The following FBXO41 variants were observed in gnomAD, a reference collection of about 807,000 sequenced individuals.
FBXO41 encodes F-box protein 41, also known as F-box only protein 41.
In FBXO41, 33 loss-of-function variants were observed where a neutral mutation model predicts 81.6. That is an observed-to-expected ratio of 0.40 (90% confidence interval 0.31 to 0.54). The LOEUF (loss-of-function observed/expected upper bound fraction) is 0.54, where lower values mean the gene tolerates loss of function less well. FBXO41 is among the 20% of genes least tolerant of loss of function. FBXO41 has a pLI of 0.39. For synonymous variants in FBXO41, 576 were observed against 552.7 expected, an observed-to-expected ratio of 1.04 and a Z score of -0.59; for missense variants, 1,107 against 1,236.0, an observed-to-expected ratio of 0.90 and a Z score of 1.56.
chr2:73,260,453 C>T lies in FBXO41; in HGVS notation c.2385G>A (p.Lys795=), dbSNP rs757171607. 46 of 1,608,372 alleles carry T rather than the reference C, an allele frequency of 2.9e-5. No homozygotes were observed. The East Asian group carries it at 1.0e-3, about 36-fold the overall frequency. The change falls in exon 11 of 13, where the codon AAG becomes AAA. Residue 795 remains lysine (K), a synonymous_variant. Coordinates refer to ENST00000520530, the MANE Select transcript of FBXO41 (RefSeq NM_001371389.2). This position sits in a 1 kb window ranked among gnomAD's most constrained non-coding sequence, Gnocchi z 5.0. The part of the protein sequence containing the change: ...VAAEVCREGL[K]GLEMLVLTAT... ...CCGTGAGCACCAGCATCTCCAGTCC[C>T]TTCAGGCCTTCCCGGCAGACCTCTG...
rs1688264741 is a variant in FBXO41, at chr2:73,266,105, G to A, written c.1132-139C>T. 1 of 793,184 alleles carries A rather than the reference G, an allele frequency of 1.3e-6. No homozygotes were observed. The allele number at this position is 793,184 out of a possible 1,614,324, so 49.1% of individuals were successfully genotyped here. On this transcript the variant is annotated intron_variant, in intron 3 of 12. Coordinates refer to ENST00000520530, the MANE Select transcript of FBXO41 (RefSeq NM_001371389.2). This position sits in a 1 kb window ranked among gnomAD's most constrained non-coding sequence, Gnocchi z 5.3. The stretch of plus-strand genomic sequence containing the variant: ...AGAAGGGAAAATAGTTGGGAAAGAT[G>A]GACAAATGGACAGACAGACAGCCCA...
rs1251704536 is a variant in FBXO41 at position 73,259,548 on chromosome 2, G to C, written c.2450-252C>G. Among the ~76,000 whole-genome samples the C allele has an allele frequency of 1.3e-5, 2 of 152,184 alleles. No individual in the cohort carries two copies. The highest frequency in any genetic ancestry group is 2.9e-5 in the Non-Finnish European group (2 of 68,040). ...GCCACCAGCTGTCCAAAGCCTCTAG[G>C]AACTTCCCTGACACAGGGGGCAGCT... is the stretch of plus-strand genomic sequence containing the variant. On this transcript the variant is annotated intron_variant, in intron 11 of 12. Coordinates refer to ENST00000520530, the MANE Select transcript of FBXO41 (RefSeq NM_001371389.2). This position sits in a 1 kb window ranked among gnomAD's most constrained non-coding sequence, Gnocchi z 4.2.
Position 73,258,232 on chromosome 2 carries a change from G to A in FBXO41, c.*750C>T, listed in dbSNP as rs1687883886. The A allele has an allele frequency of 6.6e-6, 1 of 152,306 alleles. No homozygotes were observed. The highest frequency in any genetic ancestry group is 6.5e-5 in the Admixed American group (1 of 15,282). The allele number at this position is 152,306 out of a possible 1,614,324, so 9.4% of individuals were successfully genotyped here. On this transcript the variant is annotated 3_prime_UTR_variant, in exon 13 of 13. Coordinates refer to ENST00000520530, the MANE Select transcript of FBXO41 (RefSeq NM_001371389.2). ...TCAGCTTTGAATTTAGCTCTGGTGT[G>A]CGGTGGGGTATGAGGTTGGGAGGAG... is the stretch of plus-strand genomic sequence containing the variant.
In FBXO41 at chr2:73,259,133, T is replaced by G; in HGVS notation, c.2565+48A>C. Reference sequence around the variant, plus strand: ...CTCACCCAGGTCACCAGCCCCAGTCTAGGGATGCCACTTGGGGTCTTGGAC... The same window carrying G: ...CTCACCCAGGTCACCAGCCCCAGTCGAGGGATGCCACTTGGGGTCTTGGAC... On this transcript the variant is annotated intron_variant, in intron 12 of 12. Transcript: ENST00000520530. The surrounding 1 kb of genome is among the most constrained non-coding windows in gnomAD (Gnocchi z 4.2). The G allele has an allele frequency of 1.9e-6, 3 of 1,612,004 alleles. No homozygotes were observed. In the South Asian group the frequency reaches 3.3e-5, roughly 18 times the overall value.
intron 1 of FBXO41, among the ~76,000 whole-genome samples, chr2:73,275,047 G>A (rs1411102344): frequency 1.3e-5 from 2 of 150,092 alleles, no homozygotes; most frequent in East Asian, 3.9e-4. Context: ...CTGCCACCAT[G>A]CCCGGCTAAT....
intron 1 of FBXO41, among the ~76,000 whole-genome samples, chr2:73,280,924 A>G (rs980570012): frequency 1.3e-5 from 2 of 152,214 alleles, no homozygotes; most frequent in East Asian, 1.9e-4. Context: ...AACCAAAGCA[A>G]TTTCCACCAC....
At chr2:73,261,187 G>C (rs1263153744) in intron 9 of FBXO41, among the ~76,000 whole-genome samples, 2 of 151,982 alleles carry the variant, frequency 1.3e-5, no homozygotes, top group African/African-American at 2.4e-5. Context: ...CTCCCGAGTA[G>C]ACAGGACTAC....
At chr2:73,263,912 C>G in intron 7 of FBXO41, 26 bp downstream of exon 7, 1 of 1,613,380 alleles carries the variant, frequency 6.2e-7, no homozygotes, top group Non-Finnish European at 8.5e-7. Flanking sequence ...CAACAGCACC[C>G]ACCACCCACC....
chr2:73,271,105 G>A, intron 1 of FBXO41: 2 of 363,088 alleles, frequency 5.5e-6, no homozygotes, highest in South Asian at 2.0e-5. Flanking sequence ...CCCTAGGAAG[G>A]CAGTCAGCTT....
In FBXO41 at chr2:73,260,263, TCC is replaced by T; in HGVS notation, c.2449+124_2449+125del. On this transcript the variant is annotated intron_variant, in intron 11 of 12. Coordinates refer to ENST00000520530, the MANE Select transcript of FBXO41 (RefSeq NM_001371389.2). This position sits in a 1 kb window ranked among gnomAD's most constrained non-coding sequence, Gnocchi z 5.0. ...CTCTAGAACCAGTGCTCTTAACCTG[TCC>T]CCCTGCCTCTGCCCTTGGCTGGAGA... The T allele has an allele frequency of 7.8e-7, 1 of 1,285,292 alleles. No individual in the cohort carries two copies. The highest frequency in any genetic ancestry group is 1.1e-6 in the Non-Finnish European group (1 of 935,026). 79.6% of individuals were successfully genotyped at this position (1,285,292 alleles called of 1,614,324 possible).
In FBXO41 at chr2:73,260,864, G is replaced by C; in HGVS notation, c.2172-6C>G. Reference sequence around the variant, plus strand: ...TGAAGCGTGTGGGCTGCTGGCTGGAGAATGGGAAGGGGGAGCCGTCAGGGA... The same window carrying C: ...TGAAGCGTGTGGGCTGCTGGCTGGACAATGGGAAGGGGGAGCCGTCAGGGA... On this transcript the variant is annotated splice_region_variant and splice_polypyrimidine_tract_variant and intron_variant, in intron 9 of 12. Transcript: ENST00000520530. The surrounding 1 kb of genome is among the most constrained non-coding windows in gnomAD (Gnocchi z 5.0). The C allele has an allele frequency of 6.4e-7, 1 of 1,552,460 alleles. No homozygotes were observed. The highest frequency in any genetic ancestry group is 8.7e-7 in the Non-Finnish European group (1 of 1,146,478).
intron 1 of FBXO41, among the ~76,000 whole-genome samples, chr2:73,271,662 A>C (rs1688500928): frequency 7.4e-6 from 1 of 134,824 alleles, no homozygotes; most frequent in African/African-American, 2.8e-5. Flanking sequence ...ATGGAGTCTC[A>C]CTCTTTCACC....
Position 73,266,323 on chromosome 2 carries a change from G to T in FBXO41, c.1131+134C>A. 9.2e-7 allele frequency: 1 copy of T among 1,090,534 alleles called. No individual in the cohort carries two copies. Among genetic ancestry groups the T allele is most frequent in the African/African-American group, 1.6e-5 (1 of 62,604 alleles). The allele number at this position is 1,090,534 out of a possible 1,614,324, so 67.6% of individuals were successfully genotyped here. The stretch of plus-strand genomic sequence containing the variant: ...CAATCAAAGGGGCTCCCCTGTTCCT[G>T]GCATCTGCTGGTGGGGTAAAAGCCA... On this transcript the variant is annotated intron_variant, in intron 3 of 12. Transcript: ENST00000520530. This position sits in a 1 kb window ranked among gnomAD's most constrained non-coding sequence, Gnocchi z 5.3.
intron 1 of FBXO41, among the ~76,000 whole-genome samples, chr2:73,274,267 T>C (rs1176903717): frequency 6.6e-6 from 1 of 152,256 alleles, no homozygotes; most frequent in African/African-American, 2.4e-5. Context: ...TTGTGATGGC[T>C]GGACAGTTTT....
At position 73,265,895 on chromosome 2, in the gene FBXO41, T is replaced by G. The variant is rs541901177; in HGVS notation, c.1203A>C (p.Thr401=). The change falls in exon 4 of 13, where the codon ACA becomes ACC. Residue 401 remains threonine, a splice_region_variant and synonymous_variant. Transcript: ENST00000520530. ...AVSRHGSSPS[T]GASSRVPAAS... ...GGTGGGCTGGGCCCAAGGCTTACCC[T>G]GTGCTCGGAGAGGAGCCATGCCGTG... 1.9e-6 allele frequency: 3 copies of G among 1,584,672 alleles called. No individual in the cohort carries two copies. Among genetic ancestry groups the G allele is most frequent in the Non-Finnish European group, 2.6e-6 (3 of 1,165,408 alleles).
Position 73,266,574 on chromosome 2 carries a change from A to C in FBXO41, c.1014T>G (p.Arg338=), listed in dbSNP as rs924743120. Reference sequence around the variant, plus strand: ...TGATGACCTGCAGCTGCCGCTCGGCACGGTCAGCCCGCTCAAGGAGCTCCT... The same window carrying C: ...TGATGACCTGCAGCTGCCGCTCGGCCCGGTCAGCCCGCTCAAGGAGCTCCT... The part of the protein sequence containing the change: ...FIEELLERAD[R]AERQLQVISS... Residue 338 remains arginine, a synonymous_variant, in exon 3 of 13, where the codon CGT becomes CGG. Transcript: ENST00000520530. This position sits in a 1 kb window ranked among gnomAD's most constrained non-coding sequence, Gnocchi z 5.3. The C allele has an allele frequency of 1.9e-6, 3 of 1,610,928 alleles. No homozygotes were observed. In the African/African-American group the frequency reaches 4.0e-5, roughly 22 times the overall value.
chr2:73,282,579 T>C (rs1688879245), intron 1 of FBXO41, among the ~76,000 whole-genome samples: 1 of 152,120 alleles, frequency 6.6e-6, no homozygotes, highest in African/African-American at 2.4e-5. Context: ...GGCATATGCC[T>C]GTGGTCCCAG....
Position 73,266,018 on chromosome 2 carries a change from G to T in FBXO41, c.1132-52C>A. The T allele has an allele frequency of 6.7e-7, 1 of 1,500,124 alleles. No homozygotes were observed. Among genetic ancestry groups the T allele is most frequent in the Non-Finnish European group, 9.1e-7 (1 of 1,101,158 alleles). 92.9% of individuals were successfully genotyped at this position (1,500,124 alleles called of 1,614,324 possible). On this transcript the variant is annotated intron_variant, in intron 3 of 12. Transcript: ENST00000520530. This position sits in a 1 kb window ranked among gnomAD's most constrained non-coding sequence, Gnocchi z 5.3. ...AGGAGAGGGGCGGAGGAGGCAAGAG[G>T]ATGAGCAGGAATAGCAGGGGAAACA...
chr2:73,262,743 T>C (rs72809960), intron 9 of FBXO41, among the ~76,000 whole-genome samples: 38,244 of 150,826 alleles, frequency 0.25, 5,730 homozygotes, highest in African/African-American at 0.41. Flanking sequence ...ATTTATCTAT[T>C]TATTTATTTA....
Sources: gnomAD v4.1 joint callset for allele counts (sites outside exome capture counted in the v4.1 genomes callset) on GRCh38, gnomAD v4.1.1 for gene constraint, Gnocchi (gnomAD v3.1) non-coding constraint, MANE v1.5 for transcripts, NCBI Gene and HGNC (gene_info 2026-07-23, HGNC 2026-07-21) for gene names.